Variants in PTPRD observed in about 807,000 individuals in gnomAD.
The protein encoded by PTPRD is receptor-type tyrosine-protein phosphatase delta.
In PTPRD, 34 loss-of-function variants were observed where a neutral mutation model predicts 214.5. The ratio of observed to expected loss-of-function variants is 0.16; its 90% CI spans 0.12 to 0.21. The LOEUF is 0.21. Ranked by LOEUF, PTPRD falls within the 10% of genes least tolerant of loss-of-function variation. The pLI is 1.00. For synonymous variants in PTPRD, 1,128 were observed against 845.7 expected, an observed-to-expected ratio of 1.33 and a Z score of -5.79; for missense variants, 2,545 against 2,398.7, an observed-to-expected ratio of 1.06 and a Z score of -1.27.
intron 33 of PTPRD, among the ~76,000 whole-genome samples, chr9:8,459,907 T>C (rs1317565138): frequency 3.3e-5 from 5 of 152,100 alleles, no homozygotes; most frequent in African/African-American, 1.2e-4. Context: ...TTTTTCCCCT[T>C]CCTTAATCCT....
intron 8 of PTPRD, among the ~76,000 whole-genome samples, chr9:9,398,744 AC>A: frequency 6.6e-6 from 1 of 152,008 alleles, no homozygotes; most frequent in African/African-American, 2.4e-5. Context: ...TTTTCCCCCC[AC>A]AGGGTTAAAT....
At chr9:9,339,293 T>C (rs949584905) in intron 9 of PTPRD, among the ~76,000 whole-genome samples, 1 of 149,548 alleles carries the variant, frequency 6.7e-6, no homozygotes, top group Non-Finnish European at 1.5e-5. Flanking sequence ...CTGGCTAACA[T>C]GGTGAAACCC....
intron 10 of PTPRD, among the ~76,000 whole-genome samples, chr9:9,066,367 A>G (rs1402950746): frequency 6.6e-6 from 1 of 152,092 alleles, no homozygotes; most frequent in African/African-American, 2.4e-5. Flanking sequence ...CATATTTCCT[A>G]TCTTTTCTTG....
chr9:9,651,202 G>T (rs2096336324), intron 7 of PTPRD, among the ~76,000 whole-genome samples: 1 of 151,938 alleles, frequency 6.6e-6, no homozygotes, highest in Non-Finnish European at 1.5e-5. Context: ...AATTATTTTG[G>T]CTGTGTGCAT....
chr9:9,800,556 A>G (rs900308427), intron 5 of PTPRD: 19 of 152,194 alleles, frequency 1.2e-4, no homozygotes, highest in African/African-American at 4.6e-4. Context: ...GTCTGTAAAG[A>G]GAGAACGGAT....
chr9:9,076,869 G>A (rs1337547284), intron 10 of PTPRD, among the ~76,000 whole-genome samples: 1 of 151,512 alleles, frequency 6.6e-6, no homozygotes, highest in African/African-American at 2.4e-5. Context: ...GTTTTTTGAG[G>A]AAATTCCAAA....
intron 3 of PTPRD, among the ~76,000 whole-genome samples, chr9:10,312,299 C>G (rs561481130): frequency 5.3e-5 from 8 of 152,024 alleles, no homozygotes; most frequent in Admixed American, 3.9e-4. Flanking sequence ...CCATTTGAGG[C>G]TATTTTGTAA....
chr9:9,877,081 G>T (rs1334023512), intron 5 of PTPRD, among the ~76,000 whole-genome samples: 4 of 151,934 alleles, frequency 2.6e-5, no homozygotes, highest in Non-Finnish European at 5.9e-5. Flanking sequence ...CAAGCATCCA[G>T]GCACCAAAAA....
Position 8,450,987 on chromosome 9 carries a change from G to T in PTPRD, c.3876-1150C>A, listed in dbSNP as rs191193415. Reference sequence around the variant, plus strand: ...TTAGGAACTTTCCTTTTCTCTGTTCGATGTGACTGTGGTACAGCTCATTAG... The same window carrying T: ...TTAGGAACTTTCCTTTTCTCTGTTCTATGTGACTGTGGTACAGCTCATTAG... On this transcript the variant is annotated intron_variant, in intron 33 of 45. Coordinates refer to ENST00000381196, the MANE Select transcript of PTPRD (RefSeq NM_002839.4). 5.3e-5 allele frequency among the ~76,000 whole-genome samples: 8 copies of T among 152,076 alleles called. No homozygotes were observed. The South Asian group carries it at 1.7e-3, about 32-fold the overall frequency.
intron 35 of PTPRD, among the ~76,000 whole-genome samples, chr9:8,417,380 G>T (rs1301388329): frequency 1.3e-5 from 2 of 152,074 alleles, no homozygotes; most frequent in African/African-American, 4.8e-5. Flanking sequence ...TCATTCCTTA[G>T]AACTGAATAG....
intron 2 of PTPRD, among the ~76,000 whole-genome samples, chr9:10,595,050 A>G (rs1384777375): frequency 1.3e-5 from 2 of 152,040 alleles, no homozygotes; most frequent in Admixed American, 6.6e-5. Context: ...TAATTAGACC[A>G]TATGTTAATC....
chr9:10,276,884 C>T (rs944064087), intron 3 of PTPRD, among the ~76,000 whole-genome samples: 1 of 152,192 alleles, frequency 6.6e-6, no homozygotes, highest in Non-Finnish European at 1.5e-5. Flanking sequence ...TTTGAGTACA[C>T]AAACTATACA....
At chr9:9,999,781 T>G (rs2096263695) in intron 4 of PTPRD, among the ~76,000 whole-genome samples, 1 of 152,178 alleles carries the variant, frequency 6.6e-6, no homozygotes, top group Admixed American at 6.5e-5. Context: ...GAGTAATAGT[T>G]TTTACTATCA....
intron 3 of PTPRD, among the ~76,000 whole-genome samples, chr9:10,157,161 G>C (rs765801891): frequency 6.6e-6 from 1 of 152,170 alleles, no homozygotes; most frequent in Non-Finnish European, 1.5e-5. Context: ...ATGTGGATTT[G>C]ATTCTGTCAT....
chr9:10,571,407 T>C (rs1235205382), intron 2 of PTPRD, among the ~76,000 whole-genome samples: 1 of 152,180 alleles, frequency 6.6e-6, no homozygotes, highest in South Asian at 2.1e-4. Context: ...CTTTATTTCA[T>C]GTGTTGTCAT....
chr9:9,138,453 T>G (rs1339109038), intron 10 of PTPRD, among the ~76,000 whole-genome samples: 2 of 152,188 alleles, frequency 1.3e-5, no homozygotes, highest in Non-Finnish European at 2.9e-5. Context: ...AAGTTCTTAC[T>G]TTTAGAATAG....
intron 9 of PTPRD, among the ~76,000 whole-genome samples, chr9:9,275,833 A>ATG (rs71500979): frequency 0.042 from 6,037 of 143,214 alleles, 147 homozygotes; most frequent in Non-Finnish European, 0.05. Flanking sequence ...GTGTGTGTGT[A>ATG]TGTGTGTGTG....
intron 6 of PTPRD, among the ~76,000 whole-genome samples, chr9:9,756,216 T>C (rs1454029798): frequency 6.6e-6 from 1 of 152,088 alleles, no homozygotes; most frequent in Non-Finnish European, 1.5e-5. Flanking sequence ...CTGAGTCTTC[T>C]GGAGCACCAG....
intron 11 of PTPRD, among the ~76,000 whole-genome samples, chr9:8,792,112 A>C (rs76064020): frequency 8.0e-4 from 122 of 152,352 alleles, no homozygotes; most frequent in African/African-American, 2.9e-3. Context: ...ACCTCGTCAA[A>C]TAACTATCAA....
Sources: gnomAD v4.1 joint callset for allele counts (sites outside exome capture counted in the v4.1 genomes callset) on GRCh38, gnomAD v4.1.1 for gene constraint, MANE v1.5 for transcripts, NCBI Gene and HGNC (gene_info 2026-07-23, HGNC 2026-07-21) for gene names.